Variants in POU3F3 observed in about 807,000 individuals in gnomAD.
POU3F3 encodes the protein POU domain, class 3, transcription factor 3.
Under a neutral mutation model 8.6 loss-of-function variants are expected in POU3F3, and 1 was observed. The observed-to-expected ratio is 0.12, with a 90% CI of 0.04 to 0.55. The LOEUF (loss-of-function observed/expected upper bound fraction) is 0.55. Ranked by LOEUF, POU3F3 falls within the 20% of genes least tolerant of loss-of-function variation. The probability of loss-of-function intolerance (pLI) is 0.91; values close to 1 mark genes in which losing one functional copy is unlikely to be tolerated. For synonymous variants in POU3F3, 418 were observed against 327.4 expected, an observed-to-expected ratio of 1.28 and a Z score of -2.99; for missense variants, 577 against 690.7, an observed-to-expected ratio of 0.84 and a Z score of 1.84.
chr2:104,902,898 A>G, the POU3F3 span, among the ~76,000 whole-genome samples: 39 of 152,330 alleles, frequency 2.6e-4, no homozygotes, highest in African/African-American at 7.0e-4. Flanking sequence ...GACAAAGGTA[A>G]TGCAGGGCCT....
chr2:104,921,973 G>A, the POU3F3 span, among the ~76,000 whole-genome samples: 6 of 152,048 alleles, frequency 3.9e-5, no homozygotes, highest in African/African-American at 1.2e-4. Context: ...CTCCAGCCTG[G>A]GCAAAAGAAT....
chr2:104,888,761 G>A, the POU3F3 span, among the ~76,000 whole-genome samples: 7 of 152,098 alleles, frequency 4.6e-5, no homozygotes, highest in South Asian at 1.3e-3. Flanking sequence ...ACCAATTTGG[G>A]GTTTGTATTT....
chr2:104,922,270 A>C, the POU3F3 span, among the ~76,000 whole-genome samples: 1 of 152,104 alleles, frequency 6.6e-6, no homozygotes, highest in Non-Finnish European at 1.5e-5. Flanking sequence ...AAGGCATACA[A>C]AGAAACAGGA....
At chr2:104,871,476 G>C in the POU3F3 span, among the ~76,000 whole-genome samples, 1 of 152,162 alleles carries the variant, frequency 6.6e-6, no homozygotes, top group Admixed American at 6.5e-5. Context: ...TAGTAATAAA[G>C]TCATTAATAG....
Position 104,856,983 on chromosome 2 carries a change from T to A in POU3F3, c.1473T>A (p.Pro491=), listed in dbSNP as rs202016096. ...VGTVSADTPP[P]HHGLQTSVQ is the part of the protein sequence containing the mutation. Reference sequence around the variant, plus strand: ...CCGTGAGCGCCGACACGCCGCCGCCTCACCACGGGCTGCAGACGAGCGTTC... The same window carrying A: ...CCGTGAGCGCCGACACGCCGCCGCCACACCACGGGCTGCAGACGAGCGTTC... The change falls in exon 1 of 1, where the codon CCT becomes CCA. Residue 491 remains proline (P), a synonymous_variant. Coordinates refer to ENST00000361360, the MANE Select transcript of POU3F3 (RefSeq NM_006236.3). 2.1e-4 allele frequency: 330 copies of A among 1,608,582 alleles called. 3 individuals are homozygous for A. The African/African-American group carries it at 3.6e-3, about 17-fold the overall frequency.
chr2:104,906,182 T>C, the POU3F3 span, among the ~76,000 whole-genome samples: 3 of 152,220 alleles, frequency 2.0e-5, no homozygotes, highest in Non-Finnish European at 4.4e-5. Context: ...TCCTGTTGCA[T>C]CTTTGATCCA....
At position 104,856,055 on chromosome 2, in the gene POU3F3, G is replaced by T. The variant is rs1573320261; in HGVS notation, c.545G>T (p.Gly182Val). ...CCCCCGCCGCCGCCCCCACACCAGGGCCACCCTGGGGGCTGGGGGGCGGCC... is the reference window on the plus strand; with the variant it reads ...CCCCCGCCGCCGCCCCCACACCAGGTCCACCCTGGGGGCTGGGGGGCGGCC... ...LGPPPPPPHQGHPGGWGAAAA... is the reference protein window; with the variant it reads ...LGPPPPPPHQVHPGGWGAAAA... Residue 182 changes from glycine (G) to valine (V), a missense_variant, in exon 1 of 1, where the codon GGC becomes GTC. Transcript: ENST00000361360. 2 of 981,802 alleles carry T rather than the reference G, an allele frequency of 2.0e-6. No individual in the cohort carries two copies. The highest frequency in any genetic ancestry group is 2.4e-6 in the Non-Finnish European group (2 of 830,298). The allele number at this position is 981,802 out of a possible 1,614,324, so 60.8% of individuals were successfully genotyped here. A position where few individuals can be genotyped will look rare whatever the true frequency, so the allele number is the denominator to read the frequency against.
In POU3F3 at chr2:104,856,114, GC is replaced by G; in HGVS notation, c.606del (p.Ala203ProfsTer28). On this transcript the variant is annotated frameshift_variant, in exon 1 of 1. Transcript: ENST00000361360. LOFTEE classifies it low-confidence loss of function (END_TRUNC). Reference protein sequence around the residue: ...AAAAAAAAAAAAAHLPSMAGG... With the variant: ...AAAAAAAAAAXAAHLPSMAGG... ...CGCAGCCGCAGCCGCCGCCGCCGCC[GC>G]CGCCGCGCACCTCCCGTCCATGGCC... 8.9e-7 allele frequency: 1 copy of G among 1,124,840 alleles called. No homozygotes were observed. Among genetic ancestry groups the G allele is most frequent in the Non-Finnish European group, 1.1e-6 (1 of 924,374 alleles). 69.7% of individuals were successfully genotyped at this position (1,124,840 alleles called of 1,614,324 possible). A position where few individuals can be genotyped will look rare whatever the true frequency, so the allele number is the denominator to read the frequency against.
At chr2:104,879,218 G>GGAGA in the POU3F3 span, among the ~76,000 whole-genome samples, 7 of 150,066 alleles carry the variant, frequency 4.7e-5, no homozygotes, top group Non-Finnish European at 7.4e-5. Flanking sequence ...ACATACAGAT[G>GGAGA]GAGAGAGAGA....
the POU3F3 span, among the ~76,000 whole-genome samples, chr2:104,907,827 G>A: frequency 4.6e-5 from 7 of 151,910 alleles, no homozygotes; most frequent in South Asian, 4.2e-4. Context: ...TGGTGATAAC[G>A]GGGCCCCTTG....
chr2:104,856,622 A>G lies in POU3F3; in HGVS notation c.1112A>G (p.Lys371Arg). ...CRFEALQLSFKNMCKLKPLLN... is the reference protein window; with the variant it reads ...CRFEALQLSFRNMCKLKPLLN... ...TTCGAGGCCCTGCAGCTGAGCTTCA[A>G]GAACATGTGCAAGCTCAAGCCGCTG... Residue 371 changes from lysine (K) to arginine (R), a missense_variant, in exon 1 of 1, where the codon AAG (lysine) becomes AGG (arginine). By Grantham distance (26) the Lys-to-Arg change is conservative. This residue lies in a region of POU3F3 where 20 missense variants were observed against 107.7 expected (regional missense o/e 0.19). Transcript: ENST00000361360. 3 of 1,614,208 alleles carry G rather than the reference A, an allele frequency of 1.9e-6. No individual in the cohort carries two copies. Among genetic ancestry groups the G allele is most frequent in the Non-Finnish European group, 2.5e-6 (3 of 1,180,030 alleles).
chr2:104,873,115 C>T, the POU3F3 span, among the ~76,000 whole-genome samples: 1 of 152,198 alleles, frequency 6.6e-6, no homozygotes, highest in Non-Finnish European at 1.5e-5. Context: ...TTCCTTGGAG[C>T]GGCTAAAACC....
chr2:104,855,371 C>T lies in POU3F3; in HGVS notation c.-140C>T, dbSNP rs1455696987. 8.1e-6 allele frequency: 2 copies of T among 246,604 alleles called. No homozygotes were observed. The highest frequency in any genetic ancestry group is 9.9e-5 in the Admixed American group (1 of 10,148). 15.3% of individuals were successfully genotyped at this position (246,604 alleles called of 1,614,324 possible). A position where few individuals can be genotyped will look rare whatever the true frequency, so the allele number is the denominator to read the frequency against. On this transcript the variant is annotated 5_prime_UTR_variant, in exon 1 of 1. Transcript: ENST00000361360. ...CGAAGGCGGCGGGGCCGGCGGGGGCCCGGGGCGGGGGCGGGGAAGGAGGGG... is the reference window on the plus strand; with the variant it reads ...CGAAGGCGGCGGGGCCGGCGGGGGCTCGGGGCGGGGGCGGGGAAGGAGGGG...
chr2:104,912,144 G>A, the POU3F3 span, among the ~76,000 whole-genome samples: 1 of 152,314 alleles, frequency 6.6e-6, no homozygotes, highest in East Asian at 1.9e-4. Flanking sequence ...TCGGAGCAGT[G>A]TGTTTGATTG....
chr2:104,905,939 AC>A, the POU3F3 span, among the ~76,000 whole-genome samples: 1 of 152,180 alleles, frequency 6.6e-6, no homozygotes, highest in African/African-American at 2.4e-5. Flanking sequence ...ACACAATTCA[AC>A]CCACAGCAAT....
Position 104,855,902 on chromosome 2 carries a change from G to A in POU3F3, c.392G>A (p.Gly131Asp), listed in dbSNP as rs2104340011. Residue 131 changes from glycine (G) to aspartate (D), a missense_variant, in exon 1 of 1, where the codon GGC (glycine) becomes GAC (aspartate). By Grantham distance (94) the Gly-to-Asp change is moderately conservative. Around this residue, in one of 7 missense-constraint regions of POU3F3, gnomAD observed 484 missense variants for 422.6 expected, o/e 1.15. Coordinates refer to ENST00000361360, the MANE Select transcript of POU3F3 (RefSeq NM_006236.3). Reference sequence around the variant, plus strand: ...TCGGGCAGCGCCGTGGGCATGGCTGGCAGCCCCCAGCAGCCACCGCAGCCG... The same window carrying A: ...TCGGGCAGCGCCGTGGGCATGGCTGACAGCCCCCAGCAGCCACCGCAGCCG... ...PWSGSAVGMAGSPQQPPQPPP... is the reference protein window; with the variant it reads ...PWSGSAVGMADSPQQPPQPPP... 9.5e-7 allele frequency: 1 copy of A among 1,055,836 alleles called. No homozygotes were observed. Among genetic ancestry groups the A allele is most frequent in the Non-Finnish European group, 1.1e-6 (1 of 878,778 alleles). The allele number at this position is 1,055,836 out of a possible 1,614,324, so 65.4% of individuals were successfully genotyped here.
chr2:104,927,746 C>CAAAAAAAAA, the POU3F3 span, among the ~76,000 whole-genome samples: 1 of 79,462 alleles, frequency 1.3e-5, no homozygotes, highest in African/African-American at 5.0e-5. Context: ...GACCTTGTCT[C>CAAAAAAAAA]AAAAAAAAAA....
At chr2:104,860,233 G>A (rs557650303), downstream of POU3F3, among the ~76,000 whole-genome samples, 1 of 152,256 alleles carries the variant, frequency 6.6e-6, no homozygotes, top group African/African-American at 2.4e-5. Flanking sequence ...GAGAAGCTGG[G>A]AAAGCAAACC....
chr2:104,910,814 C>T, the POU3F3 span, among the ~76,000 whole-genome samples: 1 of 151,390 alleles, frequency 6.6e-6, no homozygotes, highest in Non-Finnish European at 1.5e-5. Context: ...ATTAAACGAA[C>T]TATGGATGTA....
Sources: allele counts gnomAD v4.1 joint callset (sites outside exome capture counted in the v4.1 genomes callset), GRCh38; gene constraint gnomAD v4.1.1; regional missense constraint gnomAD v4.1.1; transcripts MANE v1.5; gene names NCBI Gene and HGNC (gene_info 2026-07-23, HGNC 2026-07-21).